PLCH1: variants seen among roughly 807,000 people sequenced by gnomAD.
PLCH1 encodes the protein phospholipase C eta 1.
In PLCH1, 60 loss-of-function variants were observed where a neutral mutation model predicts 126.7. The ratio of observed to expected loss-of-function variants is 0.47; its 90% CI spans 0.38 to 0.59. The LOEUF is 0.59. PLCH1 is among the 20% of genes least tolerant of loss of function. The pLI, the probability that PLCH1 is intolerant of heterozygous loss-of-function variation, is 0.00. For synonymous variants in PLCH1, 719 were observed against 734.9 expected, an observed-to-expected ratio of 0.98 and a Z score of 0.35; for missense variants, 1,723 against 2,040.0, an observed-to-expected ratio of 0.84 and a Z score of 2.99.
intron 2 of PLCH1, among the ~76,000 whole-genome samples, chr3:155,647,043 T>C (rs569051480): frequency 1.1e-4 from 17 of 152,276 alleles, no homozygotes; most frequent in Middle Eastern, 6.8e-3. Flanking sequence ...CAAACACTGA[T>C]AGAGAACCTA....
intron 21 of PLCH1, among the ~76,000 whole-genome samples, chr3:155,466,533 T>C (rs993654758): frequency 6.6e-6 from 1 of 152,096 alleles, no homozygotes; most frequent in Non-Finnish European, 1.5e-5. Context: ...ACAAATAAGC[T>C]CAGACAGTGA....
intron 2 of PLCH1, among the ~76,000 whole-genome samples, chr3:155,644,437 T>A (rs1402119589): frequency 6.6e-6 from 1 of 152,036 alleles, no homozygotes; most frequent in Non-Finnish European, 1.5e-5. Flanking sequence ...ACCCCCTCGC[T>A]ACTAAAAATA....
chr3:155,547,235 G>A (rs1352590585), intron 10 of PLCH1, among the ~76,000 whole-genome samples: 2 of 149,530 alleles, frequency 1.3e-5, no homozygotes, highest in Non-Finnish European at 3.0e-5. Context: ...TGAAGGACAT[G>A]AACAGACACT....
rs574665213 is a variant in PLCH1 at position 155,593,933 on chromosome 3, A to G, written c.470+8T>C. 4.3e-6 allele frequency: 7 copies of G among 1,613,686 alleles called. No homozygotes were observed. In the East Asian group the frequency reaches 1.3e-4, roughly 31 times the overall value. Reference sequence around the variant, plus strand: ...AGAGAGCTGAAAATAAAGTTCTAGAAAGGATATTGGTCATGGGTCCTCTGC... The same window carrying G: ...AGAGAGCTGAAAATAAAGTTCTAGAGAGGATATTGGTCATGGGTCCTCTGC... On this transcript the variant is annotated splice_region_variant and intron_variant, in intron 4 of 22. Coordinates refer to ENST00000460012, the MANE Select transcript of PLCH1 (RefSeq NM_014996.4).
At chr3:155,590,374 A>G (rs359563) in intron 4 of PLCH1, among the ~76,000 whole-genome samples, 93,779 of 151,964 alleles carry the variant, frequency 0.62, 30,159 homozygotes, top group Middle Eastern at 0.76. Flanking sequence ...GTCAGGAGAT[A>G]GAGACCATCC....
At chr3:155,669,961 G>T (rs141807084) in intron 2 of PLCH1, among the ~76,000 whole-genome samples, 1 of 152,182 alleles carries the variant, frequency 6.6e-6, no homozygotes, top group African/African-American at 2.4e-5. Flanking sequence ...GTGTGTGCAT[G>T]TATGTACTAC....
At chr3:155,638,761 A>C (rs749914205) in intron 2 of PLCH1, among the ~76,000 whole-genome samples, 1 of 152,222 alleles carries the variant, frequency 6.6e-6, no homozygotes, top group Non-Finnish European at 1.5e-5. Context: ...CATTGCTGTT[A>C]GATTTCTATT....
chr3:155,457,331 A>T (rs1315959851), intron 21 of PLCH1: 1 of 152,254 alleles, frequency 6.6e-6, no homozygotes, highest in African/African-American at 2.4e-5. Flanking sequence ...ATAGCACAAG[A>T]TGAGCAGAGG....
At chr3:155,468,067 A>G (rs929469364) in intron 21 of PLCH1, among the ~76,000 whole-genome samples, 2 of 152,226 alleles carry the variant, frequency 1.3e-5, no homozygotes, top group Admixed American at 1.3e-4. Context: ...AGTCAGTACA[A>G]TAAGATATAA....
intron 17 of PLCH1, 67 bp downstream of exon 17, chr3:155,494,074 G>T: frequency 8.2e-7 from 1 of 1,223,500 alleles, no homozygotes. Flanking sequence ...CCTTAATAAA[G>T]GTTGCCTGCA....
intron 2 of PLCH1, among the ~76,000 whole-genome samples, chr3:155,681,488 G>C (rs1021650158): frequency 1.7e-4 from 26 of 152,250 alleles, no homozygotes; most frequent in African/African-American, 6.3e-4. Flanking sequence ...CCTGGGCTTT[G>C]AATCTCCACA....
intron 1 of PLCH1, among the ~76,000 whole-genome samples, chr3:155,722,583 T>G (rs1274402045): frequency 2.0e-5 from 3 of 152,208 alleles, no homozygotes; most frequent in Non-Finnish European, 4.4e-5. Context: ...GATAATCATG[T>G]GATTTTTGTT....
chr3:155,497,394 A>C lies in PLCH1; in HGVS notation c.1820T>G (p.Met607Arg). The stretch of plus-strand genomic sequence containing the variant: ...ATCAGAGAGTTCTCGGCAGAGCTTC[A>C]TGGTTTTCCTTCGGCGACCCAATCT... ...LYRLGRRRKTMKLCRELSDLV... is the reference protein window; with the variant it reads ...LYRLGRRRKTRKLCRELSDLV... The change falls in exon 15 of 23, where the codon ATG (methionine) becomes AGG (arginine). Residue 607 changes from methionine to arginine, a missense_variant. Physicochemically the swap from Met to Arg is moderately conservative, Grantham distance 91. Around this residue, in one of 2 missense-constraint regions of PLCH1, gnomAD observed 776 missense variants for 1,062.9 expected, o/e 0.73. Coordinates refer to ENST00000460012, the MANE Select transcript of PLCH1 (RefSeq NM_014996.4). The C allele has an allele frequency of 6.2e-7, 1 of 1,613,884 alleles. No homozygotes were observed. The highest frequency in any genetic ancestry group is 8.5e-7 in the Non-Finnish European group (1 of 1,179,780).
chr3:155,635,646 C>T (rs980651958), intron 2 of PLCH1, among the ~76,000 whole-genome samples: 1 of 152,196 alleles, frequency 6.6e-6, no homozygotes, highest in Non-Finnish European at 1.5e-5. Context: ...CTACAGAGAT[C>T]AGTTCATTCC....
chr3:155,469,933 C>T (rs1713117009), intron 21 of PLCH1, among the ~76,000 whole-genome samples: 1 of 152,140 alleles, frequency 6.6e-6, no homozygotes, highest in Non-Finnish European at 1.5e-5. Flanking sequence ...TGTACATCAT[C>T]ATCATCAAAG....
chr3:155,699,233 A>C (rs1451385368), intron 2 of PLCH1, among the ~76,000 whole-genome samples: 2 of 151,458 alleles, frequency 1.3e-5, no homozygotes. Flanking sequence ...CCACTCCCAC[A>C]CCCAGCTAAT....
Position 155,544,079 on chromosome 3 carries a change from GAC to G in PLCH1, c.1362+5706_1362+5707del, listed in dbSNP as rs1443094111. On this transcript the variant is annotated intron_variant, in intron 10 of 22. Transcript: ENST00000460012. ...AATGGACTAAATGCTCCAATTAAAAGACACAGACTGGCAAATTGGATAAACAG... is the reference window on the plus strand; with the variant it reads ...AATGGACTAAATGCTCCAATTAAAAGACAGACTGGCAAATTGGATAAACAG... 1.3e-5 allele frequency among the ~76,000 whole-genome samples: 2 copies of G among 150,744 alleles called. 1 individual carries two copies. Among genetic ancestry groups the G allele is most frequent in the African/African-American group, 4.8e-5 (2 of 41,278 alleles).
intron 1 of PLCH1, among the ~76,000 whole-genome samples, chr3:155,711,040 T>C (rs1309961227): frequency 6.6e-6 from 1 of 151,330 alleles, no homozygotes; most frequent in Admixed American, 6.6e-5. Context: ...ACTACTAATA[T>C]GTTGCAACCC....
chr3:155,487,730 A>G (rs957267683), intron 21 of PLCH1, among the ~76,000 whole-genome samples: 1 of 152,194 alleles, frequency 6.6e-6, no homozygotes, highest in Non-Finnish European at 1.5e-5. Context: ...ACATTTAACT[A>G]TATCTTCATT....
Sources: allele counts gnomAD v4.1 joint callset (sites outside exome capture counted in the v4.1 genomes callset), GRCh38; gene constraint gnomAD v4.1.1; regional missense constraint gnomAD v4.1.1; transcripts MANE v1.5; gene names NCBI Gene and HGNC (gene_info 2026-07-23, HGNC 2026-07-21).